The following NIBAN1 variants were observed in gnomAD, a reference collection of about 807,000 sequenced individuals.
NIBAN1 encodes the protein niban apoptosis regulator 1.
A neutral mutation model predicts 75.1 loss-of-function variants in NIBAN1; 81 were observed. That is an observed-to-expected ratio of 1.08 (90% CI 0.90 to 1.30). The LOEUF (loss-of-function observed/expected upper bound fraction) is 1.30, where lower values mean the gene tolerates loss of function less well. NIBAN1 is among the 50% of genes most tolerant of loss of function. The pLI is 0.00. For synonymous variants in NIBAN1, 436 were observed against 424.8 expected, an observed-to-expected ratio of 1.03 and a Z score of -0.32; for missense variants, 1,133 against 1,128.1, an observed-to-expected ratio of 1.00 and a Z score of -0.06.
intron 1 of NIBAN1, among the ~76,000 whole-genome samples, chr1:184,958,549 T>A (rs975757379): frequency 1.3e-5 from 2 of 152,240 alleles, no homozygotes; most frequent in Admixed American, 6.5e-5. Context: ...CTATGTATAC[T>A]TGGAATTTCT....
intron 9 of NIBAN1, among the ~76,000 whole-genome samples, chr1:184,808,516 T>A (rs762863869): frequency 2.6e-5 from 4 of 152,230 alleles, no homozygotes; most frequent in Admixed American, 1.3e-4. Context: ...TGTAAGCTGT[T>A]GATGGACTCT....
rs1401797180 is a variant in NIBAN1 at position 184,791,782 on chromosome 1, TC to T, written c.*3194del. 6.6e-6 allele frequency: 1 copy of T among 152,124 alleles called. No homozygotes were observed. Among genetic ancestry groups the T allele is most frequent in the Non-Finnish European group, 1.5e-5 (1 of 68,028 alleles). The allele number at this position is 152,124 out of a possible 1,614,324, so 9.4% of individuals were successfully genotyped here. Reference sequence around the variant, plus strand: ...TTCATTTAGATCAGAATAACCTCGCTCCAATCTGGAAACCACTCAAATGACA... The same window carrying T: ...TTCATTTAGATCAGAATAACCTCGCTCAATCTGGAAACCACTCAAATGACA... On this transcript the variant is annotated 3_prime_UTR_variant, in exon 14 of 14. Coordinates refer to ENST00000367511, the MANE Select transcript of NIBAN1 (RefSeq NM_052966.4).
At chr1:184,796,550 A>G (rs1653874129) in intron 13 of NIBAN1, among the ~76,000 whole-genome samples, 1 of 152,230 alleles carries the variant, frequency 6.6e-6, no homozygotes, top group Non-Finnish European at 1.5e-5. Context: ...AATGTGTAAT[A>G]GGTACTCGGT....
chr1:184,902,948 C>T (rs2101993487), intron 1 of NIBAN1, among the ~76,000 whole-genome samples: 1 of 152,306 alleles, frequency 6.6e-6, no homozygotes. Context: ...GTTGATCAAT[C>T]AATTTTGACT....
intron 5 of NIBAN1, among the ~76,000 whole-genome samples, chr1:184,854,325 G>T (rs1417855514): frequency 6.6e-6 from 1 of 152,086 alleles, no homozygotes; most frequent in Non-Finnish European, 1.5e-5. Flanking sequence ...TCATTACAAA[G>T]GGATCTGTTT....
intron 1 of NIBAN1, among the ~76,000 whole-genome samples, chr1:184,973,497 G>C (rs993016044): frequency 6.6e-6 from 1 of 150,920 alleles, no homozygotes; most frequent in African/African-American, 2.4e-5. Context: ...GCGGTTGAAG[G>C]CAAGTTTGGG....
chr1:184,870,300 T>C lies in NIBAN1; in HGVS notation c.601+14333A>G, dbSNP rs185138054. Among the ~76,000 whole-genome samples, 25 of 152,352 alleles carry C rather than the reference T, an allele frequency of 1.6e-4. No individual in the cohort carries two copies. The East Asian group carries it at 2.7e-3, about 16-fold the overall frequency. On this transcript the variant is annotated intron_variant, in intron 5 of 13. Coordinates refer to ENST00000367511, the MANE Select transcript of NIBAN1 (RefSeq NM_052966.4). ...TGGGAAAGGTTTAAACTCTCTTTGA[T>C]AGAAAGCTTCCTAAAATGTATTCCA...
intron 5 of NIBAN1, among the ~76,000 whole-genome samples, chr1:184,871,478 G>GGATCCT (rs2102288651): frequency 6.6e-6 from 1 of 152,026 alleles, no homozygotes; most frequent in East Asian, 1.9e-4. Flanking sequence ...AGCCTGGAAT[G>GGATCCT]GATCCTTTTC....
At chr1:184,822,636 G>A (rs1654733731) in intron 8 of NIBAN1, among the ~76,000 whole-genome samples, 1 of 152,164 alleles carries the variant, frequency 6.6e-6, no homozygotes, top group Admixed American at 6.5e-5. Context: ...GCCTAATATT[G>A]GAGTTGGGGC....
intron 3 of NIBAN1, among the ~76,000 whole-genome samples, chr1:184,890,923 C>T (rs1331162148): frequency 1.3e-5 from 2 of 152,116 alleles, no homozygotes; most frequent in Non-Finnish European, 2.9e-5. Context: ...GATAAGATAA[C>T]ATTTAAGTAT....
In NIBAN1 at chr1:184,974,315, G is replaced by T. The variant is rs1179103700; in HGVS notation, c.42C>A (p.Cys14Ter). The T allele has an allele frequency of 3.2e-6, 5 of 1,566,690 alleles. No individual in the cohort carries two copies. The highest frequency in any genetic ancestry group is 2.4e-5 in the East Asian group (1 of 42,076). The change falls in exon 1 of 14, where the codon TGC becomes TGA. Residue 14 changes from cysteine to a stop codon, truncating the protein, a stop_gained. Coordinates refer to ENST00000367511, the MANE Select transcript of NIBAN1 (RefSeq NM_052966.4). LOFTEE classifies it high-confidence loss of function. ...GGGCGGGCGTACCTCGGATGTAAGCGCACTTGCCCTCGTCCAGCTGGCTGG... is the reference window on the plus strand; with the variant it reads ...GGGCGGGCGTACCTCGGATGTAAGCTCACTTGCCCTCGTCCAGCTGGCTGG... Reference protein sequence around the residue: ...SASSQLDEGKCAYIRGKTEAA... With the variant: ...SASSQLDEGK
intron 3 of NIBAN1, 107 bp downstream of exon 3, chr1:184,893,968 G>T: frequency 1.7e-6 from 2 of 1,153,020 alleles, no homozygotes; most frequent in Non-Finnish European, 2.4e-6. Context: ...CCAGTACCAT[G>T]CTGATTTTGT....
chr1:184,806,754 A>G (rs934332860), intron 10 of NIBAN1, among the ~76,000 whole-genome samples: 1 of 150,814 alleles, frequency 6.6e-6, no homozygotes, highest in African/African-American at 2.4e-5. Context: ...AAAGCATCCA[A>G]TATATACCTT....
rs112961128 is a variant in NIBAN1 at position 184,798,042 on chromosome 1, A to G, written c.1666+37T>C. The G allele has an allele frequency of 9.1e-4, 1,291 of 1,414,754 alleles. 12 individuals carry two copies. The African/African-American group carries it at 0.016, about 17-fold the overall frequency. 87.6% of individuals were successfully genotyped at this position (1,414,754 alleles called of 1,614,324 possible). A position where few individuals can be genotyped will look rare whatever the true frequency, so the allele number is the denominator to read the frequency against. ...TCCTATTTCAGGGATGCTCCCCTCT[A>G]TGGAGTGTCCCTGCAGCACCAGGTA... On this transcript the variant is annotated intron_variant, in intron 13 of 13. Transcript: ENST00000367511.
At position 184,795,322 on chromosome 1, in the gene NIBAN1, C is replaced by T; in HGVS notation, c.2442G>A (p.Glu814=). Residue 814 remains glutamate (E), a synonymous_variant, in exon 14 of 14, where the codon GAG becomes GAA. Coordinates refer to ENST00000367511, the MANE Select transcript of NIBAN1 (RefSeq NM_052966.4). ...TGAGTGTGCAGGCCTCTCCTGGGAG[C>T]TCCCCCTCCATGGGCCCCAGGGGCT... The part of the protein sequence containing the change: ...TEEPLGPMEG[E]LPGEACTLTA... The T allele has an allele frequency of 6.2e-7, 1 of 1,611,268 alleles. No individual in the cohort carries two copies. The highest frequency in any genetic ancestry group is 8.5e-7 in the Non-Finnish European group (1 of 1,179,052).
At chr1:184,898,089 G>A (rs775716737) in intron 2 of NIBAN1, among the ~76,000 whole-genome samples, 4 of 152,160 alleles carry the variant, frequency 2.6e-5, no homozygotes, top group Admixed American at 1.3e-4. Context: ...CCCACAGGTT[G>A]ACATGATGTG....
At chr1:184,807,320 GAAAAA>G (rs34125405) in intron 10 of NIBAN1, among the ~76,000 whole-genome samples, 1 of 134,304 alleles carries the variant, frequency 7.4e-6, no homozygotes. Context: ...GGTTCCTTAT[GAAAAA>G]AAAAAAAAAG....
At chr1:184,837,172 A>G (rs536639823) in intron 5 of NIBAN1, among the ~76,000 whole-genome samples, 1 of 152,338 alleles carries the variant, frequency 6.6e-6, no homozygotes, top group Non-Finnish European at 1.5e-5. Flanking sequence ...AACAAATTCC[A>G]GGTTCACAAT....
intron 1 of NIBAN1, among the ~76,000 whole-genome samples, chr1:184,947,079 G>GAAGAAAGAAAAAAA (rs1557926308): frequency 2.7e-5 from 4 of 150,452 alleles, no homozygotes; most frequent in African/African-American, 9.8e-5. Context: ...ATCTCAAAAA[G>GAAGAAAGAAAAAAA]AAAAGAAAAG....
Sources: allele counts gnomAD v4.1 joint callset (sites outside exome capture counted in the v4.1 genomes callset), GRCh38; gene constraint gnomAD v4.1.1; transcripts MANE v1.5; gene names NCBI Gene and HGNC (gene_info 2026-07-23, HGNC 2026-07-21).